HGF: variants seen among roughly 807,000 people sequenced by gnomAD.
HGF encodes hepatocyte growth factor, also known as fibroblast-derived tumor cytotoxic factor.
HGF carries 39 observed loss-of-function variants against 111.6 expected under a neutral mutation model. The ratio of observed to expected loss-of-function variants is 0.35; its 90% confidence interval spans 0.27 to 0.46. The LOEUF (loss-of-function observed/expected upper bound fraction) is 0.46. HGF is among the 20% of genes least tolerant of loss of function. HGF has a pLI of 1.00. For synonymous variants in HGF, 285 were observed against 294.8 expected, an observed-to-expected ratio of 0.97 and a Z score of 0.34; for missense variants, 735 against 910.5, an observed-to-expected ratio of 0.81 and a Z score of 2.48.
At chr7:81,741,529 T>A (rs761804835) in intron 7 of HGF, among the ~76,000 whole-genome samples, 1 of 151,998 alleles carries the variant, frequency 6.6e-6, no homozygotes, top group Non-Finnish European at 1.5e-5. Context: ...TTTCTTGGTG[T>A]GTGCATGCCA....
intron 2 of HGF, among the ~76,000 whole-genome samples, chr7:81,760,125 C>T (rs1405638335): frequency 6.6e-6 from 1 of 152,160 alleles, no homozygotes; most frequent in African/African-American, 2.4e-5. Flanking sequence ...CCATCAAATT[C>T]CGTAAGTTGC....
chr7:81,708,410 AT>A (rs977371427), intron 13 of HGF, among the ~76,000 whole-genome samples: 2 of 152,026 alleles, frequency 1.3e-5, no homozygotes, highest in Non-Finnish European at 2.9e-5. Context: ...ACTGGAAAAA[AT>A]AACTTAGAAG....
At chr7:81,742,624 GT>G in intron 7 of HGF, 1 of 914,330 alleles carries the variant, frequency 1.1e-6, no homozygotes. Flanking sequence ...TAAGAGAACA[GT>G]GAAAATGTGT....
intron 7 of HGF, among the ~76,000 whole-genome samples, chr7:81,738,258 A>G (rs1027476020): frequency 1.6e-4 from 24 of 152,136 alleles, no homozygotes; most frequent in African/African-American, 5.8e-4. Flanking sequence ...AATTTAACAA[A>G]CATTATTATT....
chr7:81,757,434 C>A, intron 3 of HGF, 131 bp from the exon 4 acceptor site: 1 of 654,006 alleles, frequency 1.5e-6, no homozygotes, highest in Middle Eastern at 4.0e-4. Context: ...AATTTCTTGC[C>A]TAAAGCTTCT....
At chr7:81,757,945 GT>G (rs1788864928) in intron 3 of HGF, among the ~76,000 whole-genome samples, 1 of 151,338 alleles carries the variant, frequency 6.6e-6, no homozygotes, top group Non-Finnish European at 1.5e-5. Flanking sequence ...TATTATTGAG[GT>G]GTATAAAGAT....
chr7:81,720,931 T>C, intron 9 of HGF, 84 bp from the exon 10 acceptor site: 1 of 783,056 alleles, frequency 1.3e-6, no homozygotes, highest in Non-Finnish European at 2.3e-6. Context: ...TATGGAATCA[T>C]GAAATCAACA....
chr7:81,759,972 A>G (rs1788985501), intron 2 of HGF, among the ~76,000 whole-genome samples: 1 of 152,186 alleles, frequency 6.6e-6, no homozygotes, highest in African/African-American at 2.4e-5. Context: ...TTTGTTTTTA[A>G]GTGATTCCAT....
chr7:81,758,154 C>T (rs1788875194), intron 3 of HGF, among the ~76,000 whole-genome samples: 1 of 151,814 alleles, frequency 6.6e-6, no homozygotes, highest in African/African-American at 2.4e-5. Flanking sequence ...ATCAGACCAC[C>T]AGAATAGGCA....
chr7:81,720,101 T>C (rs1158597472), intron 10 of HGF, among the ~76,000 whole-genome samples: 2 of 152,198 alleles, frequency 1.3e-5, no homozygotes, highest in Non-Finnish European at 2.9e-5. Context: ...TAGGGTTGAG[T>C]GGGTGCTACC....
At chr7:81,759,612 C>T (rs1788959693) in intron 2 of HGF, among the ~76,000 whole-genome samples, 1 of 152,022 alleles carries the variant, frequency 6.6e-6, no homozygotes, top group Non-Finnish European at 1.5e-5. Context: ...TCACGCCATT[C>T]TCCTGCCTCA....
intron 1 of HGF, among the ~76,000 whole-genome samples, chr7:81,765,380 C>T (rs1789307445): frequency 6.6e-6 from 1 of 152,070 alleles, no homozygotes; most frequent in Admixed American, 6.6e-5. Context: ...CCCTTGCTTG[C>T]TGACAAATTT....
intron 13 of HGF, among the ~76,000 whole-genome samples, chr7:81,709,559 G>A (rs1435773525): frequency 6.6e-6 from 1 of 152,056 alleles, no homozygotes; most frequent in Admixed American, 6.6e-5. Context: ...TGTAGAATAT[G>A]TCATTGATTC....
chr7:81,738,308 G>A (rs1258064725), intron 7 of HGF, among the ~76,000 whole-genome samples: 1 of 151,988 alleles, frequency 6.6e-6, no homozygotes, highest in Non-Finnish European at 1.5e-5. Flanking sequence ...AGAACCAACT[G>A]TTATTCAGAA....
chr7:81,759,486 G>A (rs1383109983), intron 2 of HGF, among the ~76,000 whole-genome samples: 1 of 152,026 alleles, frequency 6.6e-6, no homozygotes, highest in Non-Finnish European at 1.5e-5. Context: ...TCCTAAACAG[G>A]TTTGCTTATA....
chr7:81,734,485 G>C (rs1246191394), intron 7 of HGF, among the ~76,000 whole-genome samples: 1 of 152,130 alleles, frequency 6.6e-6, no homozygotes, highest in Non-Finnish European at 1.5e-5. Context: ...GTGTGGTTGT[G>C]CTGTGATCTG....
At chr7:81,746,759 T>TA (rs1314736501) in intron 5 of HGF, among the ~76,000 whole-genome samples, 2 of 152,106 alleles carry the variant, frequency 1.3e-5, no homozygotes, top group African/African-American at 4.8e-5. Flanking sequence ...AGCAGTATTA[T>TA]AAAAATTTTT....
chr7:81,728,388 T>A (rs1243911997), intron 8 of HGF, among the ~76,000 whole-genome samples: 2 of 152,254 alleles, frequency 1.3e-5, no homozygotes, highest in African/African-American at 4.8e-5. Context: ...TAGGTATCTT[T>A]ACGTACACAA....
At chr7:81,707,213 T>C (rs888713835) in intron 14 of HGF, 77 bp downstream of exon 14, 31 of 804,222 alleles carry the variant, frequency 3.9e-5, no homozygotes, top group Middle Eastern at 6.2e-4. Flanking sequence ...TGAATACATA[T>C]TATAACCTTA....
Sources: allele counts gnomAD v4.1 joint callset (sites outside exome capture counted in the v4.1 genomes callset), GRCh38; gene constraint gnomAD v4.1.1; transcripts MANE v1.5; gene names NCBI Gene and HGNC (gene_info 2026-07-23, HGNC 2026-07-21).